RBFOX1: variants seen among roughly 807,000 people sequenced by gnomAD.
The protein encoded by RBFOX1 is RNA binding fox-1 homolog 1, also known as RNA binding protein fox-1 homolog 1.
Under a neutral mutation model 57.7 loss-of-function variants are expected in RBFOX1, and 8 were observed. The observed-to-expected ratio is 0.14, with a 90% confidence interval of 0.08 to 0.25. RBFOX1 has a LOEUF of 0.25. Ranked by LOEUF, RBFOX1 falls within the 10% of genes least tolerant of loss-of-function variation. RBFOX1 has a pLI of 1.00. For synonymous variants in RBFOX1, 326 were observed against 222.4 expected (o/e 1.47, Z -4.15); for missense variants, 611 against 548.5 (o/e 1.11, Z -1.14).
intron 3 of RBFOX1, among the ~76,000 whole-genome samples, chr16:6,897,833 G>C (rs962506984): frequency 6.6e-6 from 1 of 152,070 alleles, no homozygotes. Flanking sequence ...ATGGATTACA[G>C]AGCCCTGCAG....
At chr16:6,606,082 C>T (rs907506657) in intron 2 of RBFOX1, among the ~76,000 whole-genome samples, 4 of 151,822 alleles carry the variant, frequency 2.6e-5, no homozygotes, top group African/African-American at 7.3e-5. Flanking sequence ...GCACTCTAGC[C>T]TGGGTGACAG....
intron 4 of RBFOX1, among the ~76,000 whole-genome samples, chr16:7,420,782 A>G (rs62015706): frequency 0.21 from 31,109 of 149,640 alleles, 3,332 homozygotes; most frequent in East Asian, 0.29. Context: ...TTTTTTTCTT[A>G]TAAGATCTGT....
chr16:6,273,698 A>C (rs2075486967), intron 1 of RBFOX1, among the ~76,000 whole-genome samples: 2 of 152,232 alleles, frequency 1.3e-5, no homozygotes, highest in South Asian at 4.2e-4. Context: ...AAAGAAAATG[A>C]TAAATTGGAC....
In RBFOX1 at chr16:6,980,165, G is replaced by A. The variant is rs188267151; in HGVS notation, c.-15-71892G>A. 5.3e-5 allele frequency among the ~76,000 whole-genome samples: 8 copies of A among 152,216 alleles called. No homozygotes were observed. In the East Asian group the frequency reaches 1.4e-3, roughly 26 times the overall value. ...TTAATCCCTCTTCAATTAAGCCTCC[G>A]CAGTTAGGATTTCTATTATTTGCAT... On this transcript the variant is annotated intron_variant, in intron 3 of 15. Coordinates refer to ENST00000550418, the MANE Select transcript of RBFOX1 (RefSeq NM_018723.4).
At chr16:7,143,556 C>A (rs1363552669) in intron 4 of RBFOX1, among the ~76,000 whole-genome samples, 3 of 152,110 alleles carry the variant, frequency 2.0e-5, no homozygotes, top group African/African-American at 7.2e-5. Context: ...ATAACAATAC[C>A]TTGTATTTAT....
intron 1 of RBFOX1, among the ~76,000 whole-genome samples, chr16:6,221,409 A>G (rs777358002): frequency 3.9e-5 from 6 of 152,214 alleles, no homozygotes; most frequent in Admixed American, 2.6e-4. Flanking sequence ...TGTTTTAACA[A>G]TTCAGCTGCC....
rs115222017 is a variant in RBFOX1, at chr16:6,870,380, C to G, written c.-15-181677C>G. ...ATGCTCCTATTGGATTTTCACATAT[C>G]TCATTTGCATTTGGATTGTTTCAGC... On this transcript the variant is annotated intron_variant, in intron 3 of 15. Transcript: ENST00000550418. 6.9e-3 allele frequency among the ~76,000 whole-genome samples: 1,045 copies of G among 152,272 alleles called. 10 individuals are homozygous for G. Among genetic ancestry groups the G allele is most frequent in the African/African-American group, 0.024 (990 of 41,544 alleles).
At chr16:7,507,167 G>T (rs565549707) in intron 4 of RBFOX1, among the ~76,000 whole-genome samples, 3 of 152,194 alleles carry the variant, frequency 2.0e-5, no homozygotes, top group South Asian at 4.2e-4. Flanking sequence ...AGCATTAAAA[G>T]GTTAGATAGT....
intron 3 of RBFOX1, among the ~76,000 whole-genome samples, chr16:6,989,837 TA>T (rs752345495): frequency 8.5e-4 from 130 of 152,078 alleles, no homozygotes; most frequent in African/African-American, 3.1e-3. Context: ...CCATCTCTAC[TA>T]AAAATACAAA....
rs199915046 is a variant in RBFOX1, at chr16:7,238,416, C to A, written c.27+186318C>A. ...CTGCCAGCTGCCCTTGTCTAAGTTC[C>A]CAAAACAGATTCTGCTTTTTGCTTC... On this transcript the variant is annotated intron_variant, in intron 4 of 15. Transcript: ENST00000550418. 5.3e-5 allele frequency among the ~76,000 whole-genome samples: 8 copies of A among 152,248 alleles called. No homozygotes were observed. In the East Asian group the frequency reaches 1.2e-3, roughly 22 times the overall value.
chr16:5,384,913 C>A (rs1434100188), intron 1 of RBFOX1, among the ~76,000 whole-genome samples: 2 of 152,124 alleles, frequency 1.3e-5, no homozygotes, highest in African/African-American at 4.8e-5. Context: ...ATAAAGCACC[C>A]AGAACGGTGC....
chr16:7,122,498 T>G (rs1392639865), intron 4 of RBFOX1, among the ~76,000 whole-genome samples: 1 of 152,140 alleles, frequency 6.6e-6, no homozygotes, highest in Non-Finnish European at 1.5e-5. Context: ...ATTCAGCAAG[T>G]GCAAATGAAA....
intron 4 of RBFOX1, among the ~76,000 whole-genome samples, chr16:7,191,504 G>A (rs912346807): frequency 4.6e-5 from 7 of 152,110 alleles, no homozygotes; most frequent in East Asian, 1.9e-4. Flanking sequence ...TATTTTGTAT[G>A]TTATATTGCA....
At chr16:6,475,726 A>G (rs1172587944) in intron 2 of RBFOX1, among the ~76,000 whole-genome samples, 2 of 152,180 alleles carry the variant, frequency 1.3e-5, no homozygotes, top group African/African-American at 4.8e-5. Flanking sequence ...TGTGGTTGCT[A>G]TGTAATTTTA....
intron 3 of RBFOX1, among the ~76,000 whole-genome samples, chr16:6,884,600 AC>A (rs922082625): frequency 6.6e-5 from 10 of 152,242 alleles, no homozygotes; most frequent in East Asian, 1.9e-4. Context: ...AGATTAAAAA[AC>A]AAAAAAAACT....
At chr16:6,914,339 G>A (rs1014989439) in intron 3 of RBFOX1, among the ~76,000 whole-genome samples, 2 of 152,062 alleles carry the variant, frequency 1.3e-5, no homozygotes, top group Admixed American at 6.6e-5. Flanking sequence ...CGGGGTGTCT[G>A]GGCTTAAATT....
intron 4 of RBFOX1, among the ~76,000 whole-genome samples, chr16:5,993,619 G>A (rs540311764): frequency 6.6e-6 from 1 of 152,092 alleles, no homozygotes. Context: ...ATATGTTTAA[G>A]ATTAATGAGG....
Position 6,988,739 on chromosome 16 carries a change from TTTTGTTTGTTTG to T in RBFOX1, c.-15-63314_-15-63303del, listed in dbSNP as rs1189814239. On this transcript the variant is annotated intron_variant, in intron 3 of 15. Coordinates refer to ENST00000550418, the MANE Select transcript of RBFOX1 (RefSeq NM_018723.4). The stretch of plus-strand genomic sequence containing the variant: ...GACATCACACCCAGCTAATTTTTTT[TTTTGTTTGTTTG>T]TTTTTTGTTTTTTGTTTTTTGTTTT... Among the ~76,000 whole-genome samples, 218 of 71,692 alleles carry T rather than the reference TTTTGTTTGTTTG, an allele frequency of 3.0e-3. 5 individuals carry two copies. The highest frequency in any genetic ancestry group is 0.012 in the African/African-American group (199 of 16,198). 47.0% of individuals were successfully genotyped at this position (71,692 alleles called of 152,430 possible). A position where few individuals can be genotyped will look rare whatever the true frequency, so the allele number is the denominator to read the frequency against.
intron 1 of RBFOX1, among the ~76,000 whole-genome samples, chr16:5,344,122 C>T (rs2065090953): frequency 6.6e-6 from 1 of 152,194 alleles, no homozygotes; most frequent in Admixed American, 6.5e-5. Flanking sequence ...TGGGTTTAAA[C>T]ATTTTCCTTC....
Sources: gnomAD v4.1 joint callset for allele counts (sites outside exome capture counted in the v4.1 genomes callset) on GRCh38, gnomAD v4.1.1 for gene constraint, MANE v1.5 for transcripts, NCBI Gene and HGNC (gene_info 2026-07-23, HGNC 2026-07-21) for gene names.